Variants in PPP4R1 observed in about 807,000 individuals in gnomAD.
The protein encoded by PPP4R1 is serine/threonine-protein phosphatase 4 regulatory subunit 1.
A neutral mutation model predicts 111.2 loss-of-function variants in PPP4R1; 42 were observed. The ratio of observed to expected loss-of-function variants is 0.38; its 90% confidence interval spans 0.29 to 0.49. PPP4R1 has a LOEUF of 0.49. Among genes scored for constraint, PPP4R1 ranks in the 20% least tolerant of loss-of-function variants. The pLI, the probability that PPP4R1 is intolerant of heterozygous loss-of-function variation, is 0.97. For missense variants in PPP4R1, 1,012 were observed against 1,161.6 expected, an observed-to-expected ratio of 0.87 and a Z score of 1.87; for synonymous variants, 409 against 405.5, an observed-to-expected ratio of 1.01 and a Z score of -0.10.
Position 9,612,928 on chromosome 18 carries a change from C to G in PPP4R1, c.52+1298G>C, listed in dbSNP as rs539106727. Among the ~76,000 whole-genome samples the G allele has an allele frequency of 4.6e-5, 7 of 152,254 alleles. No individual in the cohort carries two copies. In the East Asian group the frequency reaches 1.4e-3, roughly 29 times the overall value. On this transcript the variant is annotated intron_variant, in intron 2 of 19. Coordinates refer to ENST00000400556, the MANE Select transcript of PPP4R1 (RefSeq NM_001042388.3). ...AGATAAATTACTCGTTTCAGATAAT[C>G]CATCTAAATAGTAAATCCCCCTTAC...
chr18:9,572,548 T>C (rs2066878174), intron 10 of PPP4R1, among the ~76,000 whole-genome samples: 1 of 152,148 alleles, frequency 6.6e-6, no homozygotes, highest in African/African-American at 2.4e-5. Context: ...GTAGGTAAAT[T>C]TGTAAGATGA....
chr18:9,575,358 T>G (rs1388895492), intron 10 of PPP4R1, among the ~76,000 whole-genome samples: 3 of 152,232 alleles, frequency 2.0e-5, no homozygotes, highest in Non-Finnish European at 2.9e-5. Flanking sequence ...AATGCCACTG[T>G]GCTATTTAAG....
intron 2 of PPP4R1, among the ~76,000 whole-genome samples, chr18:9,610,855 T>C (rs2067566693): frequency 7.9e-6 from 1 of 126,970 alleles, no homozygotes; most frequent in African/African-American, 3.4e-5. Context: ...ACTCCTTCAA[T>C]GAAATTATGT....
At chr18:9,559,693 T>A in intron 13 of PPP4R1, 89 bp from the exon 14 acceptor site, 3 of 1,000,096 alleles carry the variant, frequency 3.0e-6, no homozygotes, top group Non-Finnish European at 4.1e-6. Context: ...TATTTTTAAA[T>A]ATATAGATTT....
chr18:9,591,180 TCTACTAAAAATACAAAAATTAGG>T (rs2067205625), intron 4 of PPP4R1, among the ~76,000 whole-genome samples: 2 of 151,746 alleles, frequency 1.3e-5, no homozygotes, highest in Non-Finnish European at 2.9e-5. Flanking sequence ...AAATCCCATC[TCTACTAAAAATACAAAAATTAGG>T]CAGGCATGGT....
rs1162399253 is a variant in PPP4R1, at chr18:9,602,225, T to G, written c.53-7072A>C. ...TTTTTTAAATTTAAGAAAAAGTGCC[T>G]AAAATGTAATAGTTTAAAAGTTGTG... On this transcript the variant is annotated intron_variant, in intron 2 of 19. Transcript: ENST00000400556. Among the ~76,000 whole-genome samples the G allele has an allele frequency of 5.3e-5, 8 of 152,026 alleles. No individual in the cohort carries two copies. The East Asian group carries it at 1.6e-3, about 29-fold the overall frequency.
rs59949280 is a variant in PPP4R1, at chr18:9,592,674, C to CA, written c.295+1093dup. On this transcript the variant is annotated intron_variant, in intron 4 of 19. Transcript: ENST00000400556. Reference sequence around the variant, plus strand: ...TTTAAAATACACACACACACACTTACAAAAAAAAAAAAAACTCTGGAGCTG... The same window carrying CA: ...TTTAAAATACACACACACACACTTACAAAAAAAAAAAAAAACTCTGGAGCTG... Among the ~76,000 whole-genome samples the CA allele has an allele frequency of 7.4e-3, 839 of 113,274 alleles. 4 individuals are homozygous for CA. Among genetic ancestry groups the CA allele is most frequent in the South Asian group, 0.035 (127 of 3,590 alleles). 74.3% of individuals were successfully genotyped at this position (113,274 alleles called of 152,430 possible). A position where few individuals can be genotyped will look rare whatever the true frequency, so the allele number is the denominator to read the frequency against.
upstream of PPP4R1, chr18:9,615,304 C>G (rs2067675770): frequency 6.6e-6 from 1 of 152,234 alleles, no homozygotes; most frequent in Non-Finnish European, 1.5e-5. Flanking sequence ...TTGGCAGGCC[C>G]GGGGTCAGAT....
At chr18:9,596,286 G>A (rs968474608) in intron 2 of PPP4R1, among the ~76,000 whole-genome samples, 2 of 152,288 alleles carry the variant, frequency 1.3e-5, no homozygotes, top group Admixed American at 6.5e-5. Context: ...GAAAGGATGC[G>A]ATCCAGAGGT....
At position 9,595,045 on chromosome 18, in the gene PPP4R1, T is replaced by C; in HGVS notation, c.161A>G (p.Tyr54Cys). ...GTTAAATATGTTCTCACTTGCAGCA[T>C]ACTTGTCCAATCTCCCCAGGGGCGT... is the stretch of plus-strand genomic sequence containing the variant. Reference protein sequence around the residue: ...MLTPLGRLDKYAASENIFNRQ... With the variant: ...MLTPLGRLDKCAASENIFNRQ... The change falls in exon 3 of 20, where the codon TAT (tyrosine) becomes TGT (cysteine). Residue 54 changes from tyrosine (Y) to cysteine (C), a missense_variant. Around this residue, in one of 2 missense-constraint regions of PPP4R1, gnomAD observed 707 missense variants for 742.1 expected, o/e 0.95. Coordinates refer to ENST00000400556, the MANE Select transcript of PPP4R1 (RefSeq NM_001042388.3). 1 of 1,614,074 alleles carries C rather than the reference T, an allele frequency of 6.2e-7. No homozygotes were observed. Among genetic ancestry groups the C allele is most frequent in the Non-Finnish European group, 8.5e-7 (1 of 1,179,974 alleles).
intron 2 of PPP4R1, among the ~76,000 whole-genome samples, chr18:9,604,851 C>G (rs1044270297): frequency 1.3e-5 from 2 of 152,102 alleles, no homozygotes; most frequent in Non-Finnish European, 2.9e-5. Context: ...GAGGCACATT[C>G]ATTAATATTT....
intron 10 of PPP4R1, among the ~76,000 whole-genome samples, chr18:9,574,619 G>A (rs1333295401): frequency 1.3e-5 from 2 of 152,128 alleles, no homozygotes; most frequent in Non-Finnish European, 2.9e-5. Context: ...TGCACCAACG[G>A]GCCAGGCCCA....
intron 2 of PPP4R1, among the ~76,000 whole-genome samples, chr18:9,606,133 T>C (rs1354349845): frequency 6.6e-6 from 1 of 152,236 alleles, no homozygotes; most frequent in African/African-American, 2.4e-5. Flanking sequence ...TTTAGCTTGG[T>C]GTGAAACATC....
At chr18:9,565,114 T>C (rs2066744958) in intron 11 of PPP4R1, among the ~76,000 whole-genome samples, 2 of 152,214 alleles carry the variant, frequency 1.3e-5, no homozygotes, top group Non-Finnish European at 1.5e-5. Flanking sequence ...TGCCTCTGTA[T>C]TGTATGTTGG....
At position 9,585,363 on chromosome 18, in the gene PPP4R1, C is replaced by T. The variant is rs373010795; in HGVS notation, c.586-535G>A. Among the ~76,000 whole-genome samples the T allele has an allele frequency of 2.7e-4, 41 of 152,212 alleles. No individual in the cohort carries two copies. The South Asian group carries it at 8.5e-3, about 32-fold the overall frequency. ...TCCTGGTTTTGCAAAGCTTCAGTTC[C>T]AGGGAAAGCATGAACACAGTTCTGA... On this transcript the variant is annotated intron_variant, in intron 6 of 19. Coordinates refer to ENST00000400556, the MANE Select transcript of PPP4R1 (RefSeq NM_001042388.3).
intron 12 of PPP4R1, chr18:9,562,994 G>A (rs947462247): frequency 9.9e-7 from 1 of 1,009,036 alleles, no homozygotes; most frequent in African/African-American, 1.7e-5. Context: ...CTTCTGCTCA[G>A]AATACTGTGT....
chr18:9,555,973 A>G lies in PPP4R1; in HGVS notation c.2190+1248T>C, dbSNP rs982909704. Among the ~76,000 whole-genome samples the G allele has an allele frequency of 3.5e-5, 5 of 144,288 alleles. No homozygotes were observed. In the East Asian group the frequency reaches 1.1e-3, roughly 31 times the overall value. 94.7% of individuals were successfully genotyped at this position (144,288 alleles called of 152,430 possible). A position where few individuals can be genotyped will look rare whatever the true frequency, so the allele number is the denominator to read the frequency against. The stretch of plus-strand genomic sequence containing the variant: ...AACACGGTGAAACCCCATCTCTACT[A>G]AAACAAACAAACAAACAAACAAACA... On this transcript the variant is annotated intron_variant, in intron 15 of 19. Coordinates refer to ENST00000400556, the MANE Select transcript of PPP4R1 (RefSeq NM_001042388.3).
chr18:9,549,750 C>T (rs2066458666), intron 18 of PPP4R1: 1 of 516,044 alleles, frequency 1.9e-6, no homozygotes, highest in African/African-American at 1.9e-5. Context: ...TACATATACA[C>T]ACGTCTGAAT....
At chr18:9,606,536 T>C (rs1026742886) in intron 2 of PPP4R1, among the ~76,000 whole-genome samples, 12 of 152,264 alleles carry the variant, frequency 7.9e-5, no homozygotes, top group Non-Finnish European at 1.5e-4. Flanking sequence ...ATAATATAAA[T>C]AATGTTTATC....
Sources: gnomAD v4.1 joint callset for allele counts (sites outside exome capture counted in the v4.1 genomes callset) on GRCh38, gnomAD v4.1.1 for gene constraint, gnomAD v4.1.1 regional missense constraint, MANE v1.5 for transcripts, NCBI Gene and HGNC (gene_info 2026-07-23, HGNC 2026-07-21) for gene names.